Variants in TOPAZ1 observed in about 807,000 individuals in gnomAD.
TOPAZ1 encodes testis and ovary specific TOPAZ 1.
TOPAZ1 carries 66 observed loss-of-function variants against 172.2 expected under a neutral mutation model. The ratio of observed to expected loss-of-function variants is 0.38; its 90% CI spans 0.31 to 0.47. The LOEUF is 0.47. Among genes scored for constraint, TOPAZ1 ranks in the 20% least tolerant of loss-of-function variants. The pLI, the probability that TOPAZ1 is intolerant of heterozygous loss-of-function variation, is 0.99. For missense variants in TOPAZ1, 1,822 were observed against 1,972.4 expected (o/e 0.92, Z 1.44); for synonymous variants, 681 against 683.9 (o/e 1.00, Z 0.07).
chr3:44,306,288 CTA>C (rs1223997401), intron 14 of TOPAZ1, 36 bp from the exon 15 acceptor site: 1 of 1,310,448 alleles, frequency 7.6e-7, no homozygotes, highest in African/African-American at 1.5e-5. Context: ...TTTTAAGTGA[CTA>C]TTTTATTTTC....
intron 5 of TOPAZ1, among the ~76,000 whole-genome samples, chr3:44,266,553 GT>G (rs1699832083): frequency 1.3e-5 from 2 of 152,116 alleles, no homozygotes; most frequent in African/African-American, 4.8e-5. Flanking sequence ...TTTCAATATT[GT>G]TTTGTCTCAG....
chr3:44,285,187 G>A (rs530490966), intron 9 of TOPAZ1, among the ~76,000 whole-genome samples: 1 of 152,280 alleles, frequency 6.6e-6, no homozygotes, highest in East Asian at 1.9e-4. Context: ...TGTAGGCTGG[G>A]TACAGTGGCT....
intron 2 of TOPAZ1, 90 bp downstream of exon 2, chr3:44,245,361 G>A: frequency 7.8e-7 from 1 of 1,289,432 alleles, no homozygotes; most frequent in Non-Finnish European, 1.0e-6. Context: ...CAGTGATATT[G>A]AAGCTCCATT....
intron 17 of TOPAZ1, among the ~76,000 whole-genome samples, chr3:44,322,647 G>A (rs114953630): frequency 0.011 from 1,746 of 152,282 alleles, 38 homozygotes; most frequent in African/African-American, 0.04. Flanking sequence ...CAGTTCACTT[G>A]AGCCCAGGAA....
chr3:44,316,563 T>C (rs1700453897), intron 16 of TOPAZ1, among the ~76,000 whole-genome samples: 1 of 152,144 alleles, frequency 6.6e-6, no homozygotes, highest in Non-Finnish European at 1.5e-5. Context: ...CATTTTTCTT[T>C]AACTTTATGA....
At chr3:44,304,477 A>G (rs1700312340) in intron 13 of TOPAZ1, among the ~76,000 whole-genome samples, 1 of 152,224 alleles carries the variant, frequency 6.6e-6, no homozygotes, top group Admixed American at 6.5e-5. Context: ...TGAACTCTCC[A>G]ACCATTTAGA....
Position 44,243,488 on chromosome 3 carries a change from C to G in TOPAZ1, c.982C>G (p.Arg328Gly), listed in dbSNP as rs766809216. The change falls in exon 2 of 20, where the codon CGA becomes GGA. Residue 328 changes from arginine (R) to glycine (G), a missense_variant. Arg to Gly is a moderately radical substitution (Grantham distance 125). Transcript: ENST00000309765. ...KYSIEESSVG[R>G]KPRKRMKLSE... is the part of the protein sequence containing the mutation. ...TTCAATAGAGGAGAGCAGTGTTGGG[C>G]GAAAACCCAGGAAAAGGATGAAGTT... The G allele has an allele frequency of 6.4e-6, 10 of 1,551,558 alleles. No homozygotes were observed. The highest frequency in any genetic ancestry group is 8.7e-6 in the Non-Finnish European group (10 of 1,146,962).
chr3:44,332,808 T>TC (rs1700685368), downstream of TOPAZ1, among the ~76,000 whole-genome samples: 1 of 151,906 alleles, frequency 6.6e-6, no homozygotes, highest in African/African-American at 2.4e-5. Context: ...GTTTTTTTTT[T>TC]TTTTTTCCTG....
intron 4 of TOPAZ1, among the ~76,000 whole-genome samples, chr3:44,259,622 A>G (rs558372495): frequency 6.6e-6 from 1 of 152,338 alleles, no homozygotes; most frequent in East Asian, 1.9e-4. Context: ...CATATGTGCA[A>G]GCATTTTTGG....
intron 18 of TOPAZ1, among the ~76,000 whole-genome samples, chr3:44,324,638 A>T (rs1700576810): frequency 1.3e-5 from 2 of 152,182 alleles, no homozygotes; most frequent in Admixed American, 1.3e-4. Flanking sequence ...TACTTTAAAA[A>T]TTTTTAACAA....
intron 5 of TOPAZ1, among the ~76,000 whole-genome samples, chr3:44,263,029 A>G (rs1699792013): frequency 6.6e-6 from 1 of 152,202 alleles, no homozygotes; most frequent in Non-Finnish European, 1.5e-5. Context: ...TCCTTGGAGA[A>G]GCATCATCAT....
intron 10 of TOPAZ1, 89 bp downstream of exon 10, chr3:44,287,629 G>A: frequency 9.0e-7 from 1 of 1,111,280 alleles, no homozygotes; most frequent in East Asian, 2.9e-5. Context: ...TTGAATTTCT[G>A]TATTTGTTGA....
rs184142262 is a variant in TOPAZ1, at chr3:44,254,467, A to C, written c.2766-501A>C. 2.6e-3 allele frequency among the ~76,000 whole-genome samples: 399 copies of C among 152,136 alleles called. 3 individuals carry two copies. Among genetic ancestry groups the C allele is most frequent in the African/African-American group, 9.0e-3 (373 of 41,474 alleles). On this transcript the variant is annotated intron_variant, in intron 2 of 19. Transcript: ENST00000309765. ...ACATGGCAAAACCCCGTCTCTACTA[A>C]AAATACAAAATTAGCTGGGCGTCGT... is the stretch of plus-strand genomic sequence containing the variant.
At chr3:44,276,322 T>C (rs1215796630) in intron 8 of TOPAZ1, among the ~76,000 whole-genome samples, 2 of 152,092 alleles carry the variant, frequency 1.3e-5, no homozygotes, top group African/African-American at 2.4e-5. Context: ...AGGTGTTAAG[T>C]TTTAATCCAT....
At chr3:44,290,338 A>G (rs946328894) in intron 11 of TOPAZ1, among the ~76,000 whole-genome samples, 1 of 152,108 alleles carries the variant, frequency 6.6e-6, no homozygotes, top group East Asian at 1.9e-4. Context: ...ATTACGTGCT[A>G]TGTTACATGT....
intron 8 of TOPAZ1, among the ~76,000 whole-genome samples, chr3:44,273,628 C>G (rs576518070): frequency 9.2e-5 from 14 of 152,144 alleles, no homozygotes; most frequent in Non-Finnish European, 1.9e-4. Context: ...GTACCACCCC[C>G]CATGCTCCAA....
intron 19 of TOPAZ1, 103 bp downstream of exon 19, chr3:44,328,536 T>A: frequency 1.7e-5 from 9 of 524,930 alleles, no homozygotes; most frequent in Non-Finnish European, 2.5e-5. Context: ...TACATATATA[T>A]TTATGTATAT....
At chr3:44,306,975 T>G (rs924920218) in intron 15 of TOPAZ1, among the ~76,000 whole-genome samples, 3 of 152,182 alleles carry the variant, frequency 2.0e-5, no homozygotes, top group Non-Finnish European at 4.4e-5. Context: ...TCAGTTATAT[T>G]GTAATTTTAG....
chr3:44,252,594 C>G (rs1699647046), intron 2 of TOPAZ1, among the ~76,000 whole-genome samples: 1 of 152,204 alleles, frequency 6.6e-6, no homozygotes, highest in South Asian at 2.1e-4. Context: ...TAGCAGGCAG[C>G]TCACTGTTTC....
Sources: gnomAD v4.1 joint callset for allele counts (sites outside exome capture counted in the v4.1 genomes callset) on GRCh38, gnomAD v4.1.1 for gene constraint, MANE v1.5 for transcripts, NCBI Gene and HGNC (gene_info 2026-07-23, HGNC 2026-07-21) for gene names.